Variants in CRB2 observed in about 807,000 individuals in gnomAD.
CRB2 encodes crumbs cell polarity complex component 2.
CRB2 carries 85 observed loss-of-function variants against 110.9 expected under a neutral mutation model. The observed-to-expected ratio is 0.77, with a 90% confidence interval of 0.64 to 0.92. The LOEUF is 0.92. Among genes scored for constraint, CRB2 ranks in the 40% least tolerant of loss-of-function variants. The pLI is 0.00. For synonymous variants in CRB2, 907 were observed against 831.0 expected, an observed-to-expected ratio of 1.09 and a Z score of -1.57; for missense variants, 1,843 against 1,851.3, an observed-to-expected ratio of 1.00 and a Z score of 0.08.
rs987695583 is a variant in CRB2 at position 123,357,292 on chromosome 9, G to A, written c.94+938G>A. ...TTGGTGTTAGTTACTATAGTTACAGGGGCCGGGCCTGGGAAGTCCCCTGCC... is the reference window on the plus strand; with the variant it reads ...TTGGTGTTAGTTACTATAGTTACAGAGGCCGGGCCTGGGAAGTCCCCTGCC... On this transcript the variant is annotated intron_variant, in intron 1 of 12. Transcript: ENST00000373631. Among the ~76,000 whole-genome samples, 9 of 152,174 alleles carry A rather than the reference G, an allele frequency of 5.9e-5. 1 individual carries two copies. Among genetic ancestry groups the A allele is most frequent in the Admixed American group, 3.3e-4 (5 of 15,306 alleles).
At chr9:123,367,725 G>A (rs200514871) in intron 6 of CRB2, 39 bp downstream of exon 6, 4 of 1,361,248 alleles carry the variant, frequency 2.9e-6, no homozygotes, top group Non-Finnish European at 4.1e-6. Flanking sequence ...CATCAGAATT[G>A]GTGGTCCTCA....
rs2042025879 is a variant in CRB2 at position 123,372,165 on chromosome 9, C to T, written c.2437-12C>T. 1.9e-6 allele frequency: 3 copies of T among 1,613,898 alleles called. No individual in the cohort carries two copies. Among genetic ancestry groups the T allele is most frequent in the Non-Finnish European group, 2.5e-6 (3 of 1,179,908 alleles). ...CAGTCCTGAGCCAACCCCTGCCCTGCCTCTCCCACAGCCTGACCCCTGTTT... is the reference window on the plus strand; with the variant it reads ...CAGTCCTGAGCCAACCCCTGCCCTGTCTCTCCCACAGCCTGACCCCTGTTT... On this transcript the variant is annotated splice_polypyrimidine_tract_variant and intron_variant, in intron 8 of 12. Transcript: ENST00000373631.
At chr9:123,361,766 G>C (rs548792193) in intron 1 of CRB2, among the ~76,000 whole-genome samples, 1 of 152,320 alleles carries the variant, frequency 6.6e-6, no homozygotes, top group Admixed American at 6.5e-5. Flanking sequence ...TTTTCAGACT[G>C]GGAAACGGAG....
At position 123,373,349 on chromosome 9, in the gene CRB2, C is replaced by T. The variant is rs2042046046; in HGVS notation, c.2818C>T (p.Pro940Ser). 4 of 1,438,622 alleles carry T rather than the reference C, an allele frequency of 2.8e-6. No individual in the cohort carries two copies. The highest frequency in any genetic ancestry group is 3.6e-6 in the Non-Finnish European group (4 of 1,104,092). 89.1% of individuals were successfully genotyped at this position (1,438,622 alleles called of 1,614,324 possible). A position where few individuals can be genotyped will look rare whatever the true frequency, so the allele number is the denominator to read the frequency against. The change falls in exon 10 of 13, where the codon CCC becomes TCC. Residue 940 changes from proline (P) to serine (S), a missense_variant. Coordinates refer to ENST00000373631, the MANE Select transcript of CRB2 (RefSeq NM_173689.7). ...GGGCGTGCGCGGAGGCCATGGCCTG[C>T]CCGGCGCTGTGCTGCCCATACCGGG... ...AGGVRGGHGL[P>S]GAVLPIPGPR...
At chr9:123,358,579 T>C (rs2041826148) in intron 1 of CRB2, among the ~76,000 whole-genome samples, 2 of 152,244 alleles carry the variant, frequency 1.3e-5, no homozygotes, top group African/African-American at 4.8e-5. Flanking sequence ...AGCCACTCCA[T>C]GGCAGGCACT....
At chr9:123,379,065 A>T (rs2042158467), downstream of CRB2, among the ~76,000 whole-genome samples, 1 of 151,650 alleles carries the variant, frequency 6.6e-6, no homozygotes, top group South Asian at 2.1e-4. Context: ...TGTTGGGATT[A>T]TAGGTGTGGG....
Position 123,373,532 on chromosome 9 carries a change from G to A in CRB2, c.3001G>A (p.Ala1001Thr). ...CCTGGGCTTCCTGCAGGGCCCGGGT[G>A]CTGTGCGCATCCTGCTGGCTGAGAA... The part of the protein sequence containing the change: ...SDLGFLQGPG[A>T]VRILLAENFT... Residue 1001 changes from alanine to threonine, a missense_variant, in exon 10 of 13, where the codon GCT (alanine) becomes ACT (threonine). By Grantham distance (58) the Ala-to-Thr change is moderately conservative (BLOSUM62 0). Coordinates refer to ENST00000373631, the MANE Select transcript of CRB2 (RefSeq NM_173689.7). 1 of 1,487,922 alleles carries A rather than the reference G, an allele frequency of 6.7e-7. No individual in the cohort carries two copies. Among genetic ancestry groups the A allele is most frequent in the Non-Finnish European group, 8.9e-7 (1 of 1,125,084 alleles). 92.2% of individuals were successfully genotyped at this position (1,487,922 alleles called of 1,614,324 possible).
chr9:123,355,355 A>G (rs1406400422), upstream of CRB2, among the ~76,000 whole-genome samples: 1 of 152,078 alleles, frequency 6.6e-6, no homozygotes, highest in Non-Finnish European at 1.5e-5. Context: ...GCTGCCTTTC[A>G]GTAGAATGGG....
chr9:123,373,366 C>A lies in CRB2; in HGVS notation c.2835C>A (p.Pro945=). The A allele has an allele frequency of 7.0e-7, 1 of 1,433,758 alleles. No individual in the cohort carries two copies. 88.8% of individuals were successfully genotyped at this position (1,433,758 alleles called of 1,614,324 possible). The change falls in exon 10 of 13, where the codon CCC becomes CCA. Residue 945 remains proline (P), a synonymous_variant. Coordinates refer to ENST00000373631, the MANE Select transcript of CRB2 (RefSeq NM_173689.7). The part of the protein sequence containing the change: ...GGHGLPGAVL[P]IPGPRVADGA... The stretch of plus-strand genomic sequence containing the variant: ...ATGGCCTGCCCGGCGCTGTGCTGCC[C>A]ATACCGGGGCCGCGCGTGGCCGATG...
chr9:123,376,871 C>A lies in CRB2; in HGVS notation c.3667C>A (p.Leu1223Met). Residue 1223 changes from leucine (L) to methionine (M), a missense_variant, in exon 13 of 13, where the codon CTG becomes ATG. Coordinates refer to ENST00000373631, the MANE Select transcript of CRB2 (RefSeq NM_173689.7). Reference sequence around the variant, plus strand: ...GCCCCTGCCGCTGCCATTCCCACTGCTGGAGGTGGCCGTACCTGCAGCCTG... The same window carrying A: ...GCCCCTGCCGCTGCCATTCCCACTGATGGAGGTGGCCGTACCTGCAGCCTG... ...GLPLPLPFPL[L>M]EVAVPAACAC... The A allele has an allele frequency of 1.9e-6, 3 of 1,609,810 alleles. No homozygotes were observed. Among genetic ancestry groups the A allele is most frequent in the Non-Finnish European group, 1.7e-6 (2 of 1,179,374 alleles).
chr9:123,361,534 T>C (rs1386529576), intron 1 of CRB2, among the ~76,000 whole-genome samples: 1 of 132,674 alleles, frequency 7.5e-6, no homozygotes, highest in African/African-American at 2.9e-5. Flanking sequence ...GTGCAGGGTC[T>C]GAGCTGTTCT....
In CRB2 at chr9:123,378,228, C is replaced by CA. The variant is rs1385782779; in HGVS notation, c.*1167dup. 1 of 152,318 alleles carries CA rather than the reference C, an allele frequency of 6.6e-6. No individual in the cohort carries two copies. The highest frequency in any genetic ancestry group is 2.4e-5 in the African/African-American group (1 of 41,462). 9.4% of individuals were successfully genotyped at this position (152,318 alleles called of 1,614,324 possible). A position where few individuals can be genotyped will look rare whatever the true frequency, so the allele number is the denominator to read the frequency against. On this transcript the variant is annotated 3_prime_UTR_variant, in exon 13 of 13. Coordinates refer to ENST00000373631, the MANE Select transcript of CRB2 (RefSeq NM_173689.7). Reference sequence around the variant, plus strand: ...GGGGCTGGGCCTGCAGAGGCCGACTCAGAGGAGACTCTGCTGCTTGCTCCC... The same window carrying CA: ...GGGGCTGGGCCTGCAGAGGCCGACTCAAGAGGAGACTCTGCTGCTTGCTCCC...
downstream of CRB2, chr9:123,378,890 C>CTGCAACCTCCGCCTCCCAGGT (rs1441846682): frequency 1.4e-5 from 2 of 141,666 alleles, no homozygotes; most frequent in Non-Finnish European, 3.0e-5. Context: ...TCTCGGCTCA[C>CTGCAACCTCCGCCTCCCAGGT]TGCAACCTCC....
At chr9:123,354,803 G>T (rs10985982), upstream of CRB2, among the ~76,000 whole-genome samples, 19,684 of 152,208 alleles carry the variant, frequency 0.13, 1,612 homozygotes, top group African/African-American at 0.23. Context: ...GCCTTTTTGG[G>T]TTCCCTCCTT....
chr9:123,375,082 G>A, intron 11 of CRB2, 135 bp from the exon 12 acceptor site: 1 of 1,342,434 alleles, frequency 7.4e-7, no homozygotes, highest in East Asian at 2.3e-5. Context: ...GGCCCAGCTG[G>A]GCAGGAGCAG....
intron 6 of CRB2, among the ~76,000 whole-genome samples, chr9:123,368,372 G>A (rs1168237103): frequency 1.5e-5 from 2 of 135,842 alleles, no homozygotes; most frequent in African/African-American, 6.0e-5. Context: ...TGACACTCCT[G>A]GGGGTCCCGA....
At chr9:123,373,054 C>T (rs2042039298) in intron 9 of CRB2, 80 bp from the exon 10 acceptor site, 5 of 1,253,156 alleles carry the variant, frequency 4.0e-6, no homozygotes, top group Non-Finnish European at 5.3e-6. Context: ...GGCTGTCTGC[C>T]ACTCGCTGGG....
intron 12 of CRB2, among the ~76,000 whole-genome samples, chr9:123,376,066 C>T (rs2042098743): frequency 6.7e-6 from 1 of 149,258 alleles, no homozygotes; most frequent in Non-Finnish European, 1.5e-5. Context: ...CCTCTGGCTT[C>T]CCTACCCAGC....
intron 1 of CRB2, among the ~76,000 whole-genome samples, chr9:123,357,505 C>A (rs137921671): frequency 6.6e-6 from 1 of 152,118 alleles, no homozygotes; most frequent in East Asian, 1.9e-4. Flanking sequence ...CTATGGGGCC[C>A]TAGGGAGGAT....
Sources: allele counts gnomAD v4.1 joint callset (sites outside exome capture counted in the v4.1 genomes callset), GRCh38; gene constraint gnomAD v4.1.1; transcripts MANE v1.5; gene names NCBI Gene and HGNC (gene_info 2026-07-23, HGNC 2026-07-21).